The following RIMS2 variants were observed in gnomAD, a reference collection of about 807,000 sequenced individuals.
RIMS2 encodes regulating synaptic membrane exocytosis protein 2.
In RIMS2, 59 loss-of-function variants were observed where a neutral mutation model predicts 174.4. The observed-to-expected ratio is 0.34, with a 90% confidence interval of 0.27 to 0.42. The LOEUF is 0.42. Ranked by LOEUF, RIMS2 falls within the 10% of genes least tolerant of loss-of-function variation. The pLI is 1.00. For missense variants in RIMS2, 1,620 were observed against 1,666.3 expected, an observed-to-expected ratio of 0.97 and a Z score of 0.48; for synonymous variants, 606 against 572.5, an observed-to-expected ratio of 1.06 and a Z score of -0.84.
At chr8:103,781,312 C>T (rs781023838) in intron 3 of RIMS2, among the ~76,000 whole-genome samples, 15 of 152,166 alleles carry the variant, frequency 9.9e-5, no homozygotes, top group Admixed American at 9.2e-4. Context: ...TGAGAACTGT[C>T]TCTTCCTCAC....
At chr8:103,638,646 A>G (rs894523490) in intron 1 of RIMS2, among the ~76,000 whole-genome samples, 1 of 151,890 alleles carries the variant, frequency 6.6e-6, no homozygotes, top group East Asian at 1.9e-4. Flanking sequence ...TTTTTGAACA[A>G]TTTCTCATTT....
At chr8:103,948,192 T>C (rs1014963969) in intron 14 of RIMS2, among the ~76,000 whole-genome samples, 1 of 152,182 alleles carries the variant, frequency 6.6e-6, no homozygotes, top group African/African-American at 2.4e-5. Flanking sequence ...TGATAACAAA[T>C]TTTTGCAAGA....
chr8:104,003,766 G>A (rs1280626361), intron 17 of RIMS2, among the ~76,000 whole-genome samples: 1 of 152,076 alleles, frequency 6.6e-6, no homozygotes, highest in Non-Finnish European at 1.5e-5. Context: ...ATCAAAGACT[G>A]TAGGTTCTAG....
intron 19 of RIMS2, among the ~76,000 whole-genome samples, chr8:104,075,342 G>A (rs1293596631): frequency 2.0e-5 from 3 of 152,162 alleles, no homozygotes; most frequent in Non-Finnish European, 4.4e-5. Context: ...AGAAAGTAAT[G>A]AATGAAGCAT....
intron 2 of RIMS2, among the ~76,000 whole-genome samples, chr8:103,753,098 A>G (rs1415573130): frequency 6.6e-6 from 1 of 152,074 alleles, no homozygotes; most frequent in Non-Finnish European, 1.5e-5. Context: ...TCTTATTTTG[A>G]GATACATCCC....
At chr8:103,649,212 G>A (rs912955814) in intron 1 of RIMS2, among the ~76,000 whole-genome samples, 16 of 152,026 alleles carry the variant, frequency 1.1e-4, no homozygotes, top group African/African-American at 7.2e-5. Context: ...TAGTTTGGGC[G>A]AATATGCAGT....
intron 3 of RIMS2, among the ~76,000 whole-genome samples, chr8:103,794,373 T>C (rs928186837): frequency 2.0e-5 from 3 of 152,190 alleles, no homozygotes; most frequent in Non-Finnish European, 4.4e-5. Context: ...GAAAACTGGC[T>C]AGCCACGTAT....
intron 2 of RIMS2, among the ~76,000 whole-genome samples, chr8:103,763,624 C>G (rs1018585750): frequency 7.9e-5 from 12 of 151,994 alleles, no homozygotes; most frequent in Admixed American, 1.3e-4. Flanking sequence ...AAGGAACAAG[C>G]AGTGTGCATA....
At chr8:103,729,713 G>A (rs1346008632) in intron 2 of RIMS2, among the ~76,000 whole-genome samples, 3 of 151,896 alleles carry the variant, frequency 2.0e-5, no homozygotes, top group Non-Finnish European at 4.4e-5. Context: ...TACTGCTTTT[G>A]CTCTATCTCA....
chr8:103,684,629 C>T lies in RIMS2; in HGVS notation c.177-12457C>T, dbSNP rs2096920030. 2.0e-5 allele frequency among the ~76,000 whole-genome samples: 3 copies of T among 150,106 alleles called. No individual in the cohort carries two copies. In the South Asian group the frequency reaches 6.3e-4, roughly 32 times the overall value. ...TGAGACAGACTCTCGCTCTATCCCCCAGGTTGGAGTGCAGTGGTGTGATCT... is the reference window on the plus strand; with the variant it reads ...TGAGACAGACTCTCGCTCTATCCCCTAGGTTGGAGTGCAGTGGTGTGATCT... On this transcript the variant is annotated intron_variant, in intron 1 of 23. Coordinates refer to ENST00000504942, the Ensembl canonical transcript of RIMS2.
chr8:103,542,106 A>G (rs1006130292), intron 1 of RIMS2, among the ~76,000 whole-genome samples: 2 of 152,170 alleles, frequency 1.3e-5, no homozygotes, highest in Non-Finnish European at 2.9e-5. Context: ...TAGCTAGACT[A>G]TGAAAAGAAG....
intron 19 of RIMS2, among the ~76,000 whole-genome samples, chr8:104,198,346 G>T (rs944474747): frequency 6.6e-6 from 1 of 152,192 alleles, no homozygotes; most frequent in Non-Finnish European, 1.5e-5. Context: ...TTATGGTGAA[G>T]ACCAGAGAGA....
At chr8:103,553,726 AAAG>A (rs1267601268) in intron 1 of RIMS2, among the ~76,000 whole-genome samples, 1 of 152,048 alleles carries the variant, frequency 6.6e-6, no homozygotes, top group African/African-American at 2.4e-5. Flanking sequence ...TGGAACCAAA[AAAG>A]AGCCCAAATA....
chr8:103,776,767 T>A (rs1041380555), intron 3 of RIMS2, among the ~76,000 whole-genome samples: 2 of 152,052 alleles, frequency 1.3e-5, no homozygotes, highest in Non-Finnish European at 2.9e-5. Context: ...CAAAAGTTAG[T>A]AGAATTATTT....
At chr8:103,706,466 G>T (rs929300361) in intron 2 of RIMS2, among the ~76,000 whole-genome samples, 1 of 151,768 alleles carries the variant, frequency 6.6e-6, no homozygotes, top group African/African-American at 2.4e-5. Flanking sequence ...ACTCCCTTTT[G>T]CATTTCTTGT....
intron 11 of RIMS2, among the ~76,000 whole-genome samples, chr8:103,928,063 T>G (rs1388044225): frequency 6.6e-6 from 1 of 151,584 alleles, no homozygotes; most frequent in East Asian, 1.9e-4. Context: ...GATTAGAATA[T>G]TGAATAAAAA....
intron 17 of RIMS2, among the ~76,000 whole-genome samples, chr8:104,005,416 C>T (rs1328525034): frequency 1.3e-5 from 2 of 152,096 alleles, no homozygotes; most frequent in Admixed American, 1.3e-4. Context: ...ACAATGGAAG[C>T]AGAGGCTACA....
At chr8:103,846,153 G>C (rs1330952026) in intron 3 of RIMS2, among the ~76,000 whole-genome samples, 1 of 152,058 alleles carries the variant, frequency 6.6e-6, no homozygotes, top group African/African-American at 2.4e-5. Context: ...TCAGAATCTT[G>C]ATATTTAATG....
chr8:104,172,737 T>A (rs1209597454), intron 19 of RIMS2, among the ~76,000 whole-genome samples: 1 of 152,188 alleles, frequency 6.6e-6, no homozygotes, highest in East Asian at 1.9e-4. Context: ...TGTTGGAGCA[T>A]AAATGGAAGA....
Sources: gnomAD v4.1 joint callset for allele counts (sites outside exome capture counted in the v4.1 genomes callset) on GRCh38, gnomAD v4.1.1 for gene constraint, MANE v1.5 for transcripts, NCBI Gene and HGNC (gene_info 2026-07-23, HGNC 2026-07-21) for gene names.